Variants in IFIH1 observed in about 807,000 individuals in gnomAD.
IFIH1 encodes the protein interferon induced with helicase C domain 1, also known as interferon-induced helicase C domain-containing protein 1.
Under a neutral mutation model 107.4 loss-of-function variants are expected in IFIH1, and 125 were observed. That is an observed-to-expected ratio of 1.16 (90% confidence interval 1.01 to 1.35). The LOEUF (loss-of-function observed/expected upper bound fraction) is 1.35. Among genes scored for constraint, IFIH1 ranks in the 40% most tolerant of loss-of-function variants. The pLI, the probability that IFIH1 is intolerant of heterozygous loss-of-function variation, is 0.00. For synonymous variants in IFIH1, 458 were observed against 413.2 expected (o/e 1.11, Z -1.31); for missense variants, 1,333 against 1,213.7 (o/e 1.10, Z -1.46).
intron 3 of IFIH1, among the ~76,000 whole-genome samples, chr2:162,298,774 A>G (rs1683140931): frequency 6.6e-6 from 1 of 151,078 alleles, no homozygotes; most frequent in African/African-American, 2.4e-5. Flanking sequence ...ATCTACACAC[A>G]CACGCACGCG....
chr2:162,307,719 C>T (rs1683312097), intron 2 of IFIH1, among the ~76,000 whole-genome samples: 1 of 152,034 alleles, frequency 6.6e-6, no homozygotes, highest in Admixed American at 6.6e-5. Context: ...AAAATGTGCC[C>T]CACTTTGTAT....
intron 4 of IFIH1, among the ~76,000 whole-genome samples, chr2:162,292,954 A>C (rs4664462): frequency 0.13 from 19,177 of 151,878 alleles, 2,811 homozygotes; most frequent in African/African-American, 0.33. Flanking sequence ...ACAGGAAGTA[A>C]TAATTAAGGT....
chr2:162,305,676 T>C (rs947457394), intron 3 of IFIH1, among the ~76,000 whole-genome samples: 1 of 152,262 alleles, frequency 6.6e-6, no homozygotes, highest in Non-Finnish European at 1.5e-5. Context: ...AGCTAACTGG[T>C]AACTTTTCAG....
chr2:162,294,559 A>G (rs1401192513), intron 3 of IFIH1, among the ~76,000 whole-genome samples: 1 of 151,898 alleles, frequency 6.6e-6, no homozygotes, highest in East Asian at 1.9e-4. Context: ...TGAACCTAAC[A>G]AGTTCCCCTT....
intron 8 of IFIH1, among the ~76,000 whole-genome samples, chr2:162,279,664 G>T (rs1394865360): frequency 6.6e-6 from 1 of 151,910 alleles, no homozygotes; most frequent in South Asian, 2.1e-4. Flanking sequence ...TGGAATTCAC[G>T]AAGAAAATTA....
At chr2:162,286,612 A>G (rs1682897711) in intron 5 of IFIH1, among the ~76,000 whole-genome samples, 1 of 145,734 alleles carries the variant, frequency 6.9e-6, no homozygotes. Flanking sequence ...GAGACAGGTA[A>G]ATGGGGAAGA....
At chr2:162,296,440 T>C (rs1454947209) in intron 3 of IFIH1, among the ~76,000 whole-genome samples, 5 of 152,132 alleles carry the variant, frequency 3.3e-5, no homozygotes, top group Non-Finnish European at 7.4e-5. Context: ...TTATCTCCTG[T>C]TTCATAGGTG....
At chr2:162,293,728 A>T (rs1327521622) in intron 3 of IFIH1, 60 bp from the exon 4 acceptor site, 4 of 1,044,110 alleles carry the variant, frequency 3.8e-6, no homozygotes, top group Non-Finnish European at 5.8e-6. Flanking sequence ...ACGTATTTTA[A>T]CTGCACACCT....
rs768520868 is a variant in IFIH1 at position 162,317,937 on chromosome 2, G to T, written c.371C>A (p.Thr124Asn). 10 of 1,614,030 alleles carry T rather than the reference G, an allele frequency of 6.2e-6. No homozygotes were observed. In the African/African-American group the frequency reaches 1.3e-4, roughly 22 times the overall value. ...TCTAACTAGAAGCTTGTCCACCAGAGTGGGCTGAAGGAGGTTCAGCAGTTG... is the reference window on the plus strand; with the variant it reads ...TCTAACTAGAAGCTTGTCCACCAGATTGGGCTGAAGGAGGTTCAGCAGTTG... ...YLQLLNLLQP[T>N]LVDKLLVRDV... Residue 124 changes from threonine (T) to asparagine (N), a missense_variant, in exon 1 of 16, where the codon ACT becomes AAT. Coordinates refer to ENST00000649979, the MANE Select transcript of IFIH1 (RefSeq NM_022168.4).
intron 2 of IFIH1, among the ~76,000 whole-genome samples, chr2:162,308,215 T>C (rs1464939837): frequency 6.6e-6 from 1 of 152,162 alleles, no homozygotes; most frequent in Admixed American, 6.5e-5. Context: ...AGGGTCAATG[T>C]CTGATGAGGA....
chr2:162,288,174 T>C lies in IFIH1; in HGVS notation c.1056A>G (p.Lys352=), dbSNP rs759731371. The C allele has an allele frequency of 1.2e-6, 2 of 1,612,334 alleles. No homozygotes were observed. The highest frequency in any genetic ancestry group is 1.7e-5 in the Admixed American group (1 of 59,836). The change falls in exon 5 of 16, where the codon AAA becomes AAG. Residue 352 remains lysine, a synonymous_variant. Transcript: ENST00000649979. ...IAKDHLDKKK[K]ASEPGKVIVL... ...CTATAACTTTTCCAGGCTCAGATGC[T>C]TTTTTCTTCTTGTCTAAGTGATCCT... is the stretch of plus-strand genomic sequence containing the variant.
At position 162,277,547 on chromosome 2, in the gene IFIH1, A is replaced by T. The variant is rs1682719356; in HGVS notation, c.1912T>A (p.Phe638Ile). ...TCACTATCATCTTCTATGACTGCAA[A>T]CTTCTTATCTTTCTCTTCATTATAG... ...TFYNEEKDKK[F>I]AVIEDDSDEG... Residue 638 changes from phenylalanine to isoleucine, a missense_variant, in exon 10 of 16, where the codon TTT becomes ATT. By Grantham distance (21) the Phe-to-Ile change is conservative. Coordinates refer to ENST00000649979, the MANE Select transcript of IFIH1 (RefSeq NM_022168.4). 6.2e-7 allele frequency: 1 copy of T among 1,600,968 alleles called. No homozygotes were observed. The highest frequency in any genetic ancestry group is 1.1e-5 in the South Asian group (1 of 90,814).
chr2:162,278,022 T>C (rs926433099), intron 9 of IFIH1, among the ~76,000 whole-genome samples, 183 bp downstream of exon 9: 7 of 152,158 alleles, frequency 4.6e-5, no homozygotes, highest in African/African-American at 1.2e-4. Flanking sequence ...TTGGATAGCA[T>C]TGGAATCTCT....
At chr2:162,283,175 G>C (rs983136122) in intron 5 of IFIH1, among the ~76,000 whole-genome samples, 2 of 151,880 alleles carry the variant, frequency 1.3e-5, no homozygotes, top group African/African-American at 4.8e-5. Context: ...GTTTGTTTTG[G>C]ATTAGACCAG....
chr2:162,290,684 A>G (rs1682981584), intron 4 of IFIH1, among the ~76,000 whole-genome samples: 1 of 151,988 alleles, frequency 6.6e-6, no homozygotes, highest in South Asian at 2.1e-4. Context: ...TTAGACAGAT[A>G]GCTCAATAAT....
chr2:162,318,283 C>T lies in IFIH1; in HGVS notation c.25G>A (p.Glu9Lys), dbSNP rs375179358. Residue 9 changes from glutamate (E) to lysine (K), a missense_variant, in exon 1 of 16, where the codon GAG (glutamate) becomes AAG (lysine). Coordinates refer to ENST00000649979, the MANE Select transcript of IFIH1 (RefSeq NM_022168.4). ...CACGAGATGAGATAGCGGAAATTCT[C>T]GTCTGTGGAATACCCATTCGACATC... MSNGYSTD[E>K]NFRYLISCFR... 3.3e-5 allele frequency: 53 copies of T among 1,613,648 alleles called. No individual in the cohort carries two copies. Among genetic ancestry groups the T allele is most frequent in the East Asian group, 6.7e-5 (3 of 44,892 alleles).
Position 162,281,463 on chromosome 2 carries a change from C to A in IFIH1, c.1389G>T (p.Met463Ile). The A allele has an allele frequency of 6.2e-7, 1 of 1,612,178 alleles. No individual in the cohort carries two copies. The highest frequency in any genetic ancestry group is 8.5e-7 in the Non-Finnish European group (1 of 1,178,778). Residue 463 changes from methionine to isoleucine, a missense_variant, in exon 7 of 16, where the codon ATG (methionine) becomes ATT (isoleucine). Transcript: ENST00000649979. ...VYNNIMRHYL[M>I]QKLKNNRLKK... Reference sequence around the variant, plus strand: ...TGAGTCTATTGTTTTTCAACTTCTGCATCAAATAATGCCTCATGATGTTAT... The same window carrying A: ...TGAGTCTATTGTTTTTCAACTTCTGAATCAAATAATGCCTCATGATGTTAT...
At chr2:162,296,539 T>A (rs1683087760) in intron 3 of IFIH1, among the ~76,000 whole-genome samples, 1 of 152,154 alleles carries the variant, frequency 6.6e-6, no homozygotes, top group African/African-American at 2.4e-5. Flanking sequence ...CCAAGTCCAG[T>A]GTTCCAGTGC....
At chr2:162,296,156 C>T (rs1009937209) in intron 3 of IFIH1, among the ~76,000 whole-genome samples, 3 of 152,128 alleles carry the variant, frequency 2.0e-5, no homozygotes, top group Admixed American at 2.0e-4. Flanking sequence ...AAACCTACTT[C>T]ATCTACATGT....
Sources: gnomAD v4.1 joint callset for allele counts (sites outside exome capture counted in the v4.1 genomes callset) on GRCh38, gnomAD v4.1.1 for gene constraint, MANE v1.5 for transcripts, NCBI Gene and HGNC (gene_info 2026-07-23, HGNC 2026-07-21) for gene names.